Variants in HIP1 observed in about 807,000 individuals in gnomAD.
HIP1 encodes the protein huntingtin-interacting protein 1.
HIP1 carries 65 observed loss-of-function variants against 147.6 expected under a neutral mutation model. That is an observed-to-expected ratio of 0.44 (90% CI 0.36 to 0.54). The LOEUF (loss-of-function observed/expected upper bound fraction) is 0.54, where lower values mean the gene tolerates loss of function less well. HIP1 is among the 20% of genes least tolerant of loss of function. The pLI, the probability that HIP1 is intolerant of heterozygous loss-of-function variation, is 0.00. For synonymous variants in HIP1, 479 were observed against 504.0 expected, an observed-to-expected ratio of 0.95 and a Z score of 0.67; for missense variants, 1,061 against 1,299.6, an observed-to-expected ratio of 0.82 and a Z score of 2.82.
At chr7:75,602,245 CCCGCCTCGGCCT>C (rs1797018055) in intron 1 of HIP1, among the ~76,000 whole-genome samples, 1 of 151,126 alleles carries the variant, frequency 6.6e-6, no homozygotes, top group African/African-American at 2.4e-5. Context: ...AAGTGATCCA[CCCGCCTCGGCCT>C]CACAAAGTGC....
At chr7:75,616,462 C>T (rs191746240) in intron 1 of HIP1, among the ~76,000 whole-genome samples, 5 of 151,914 alleles carry the variant, frequency 3.3e-5, no homozygotes, top group East Asian at 1.9e-4. Flanking sequence ...TTGTAGAGAC[C>T]GGGTCTCACT....
chr7:75,712,436 G>A (rs1554520200), intron 1 of HIP1, among the ~76,000 whole-genome samples: 1 of 152,102 alleles, frequency 6.6e-6, no homozygotes, highest in East Asian at 1.9e-4. Context: ...CTGGATAGGT[G>A]GCTCACACTC....
intron 29 of HIP1, among the ~76,000 whole-genome samples, 153 bp downstream of exon 29, chr7:75,541,766 C>G (rs1488952750): frequency 1.3e-5 from 2 of 151,948 alleles, no homozygotes; most frequent in Non-Finnish European, 2.9e-5. Flanking sequence ...ACCTTCTCTA[C>G]CTCCACTGTT....
In HIP1 at chr7:75,689,227, C is replaced by T. The variant is rs1470410022; in HGVS notation, c.120+49574G>A. Among the ~76,000 whole-genome samples, 9 of 151,548 alleles carry T rather than the reference C, an allele frequency of 5.9e-5. No homozygotes were observed. In the East Asian group the frequency reaches 7.8e-4, roughly 13 times the overall value. ...ATTTAAAATATATTTAAAAATAGGC[C>T]GGGCACGGTGGCTCACACATGTAAT... On this transcript the variant is annotated intron_variant, in intron 1 of 30. Transcript: ENST00000336926.
At chr7:75,634,494 G>A (rs976911475) in intron 1 of HIP1, among the ~76,000 whole-genome samples, 7 of 152,184 alleles carry the variant, frequency 4.6e-5, no homozygotes, top group Non-Finnish European at 1.0e-4. Flanking sequence ...GACTGTCAGA[G>A]AACTGGATAC....
chr7:75,735,833 G>A (rs1554523576), intron 1 of HIP1, among the ~76,000 whole-genome samples: 1 of 151,908 alleles, frequency 6.6e-6, no homozygotes, highest in Non-Finnish European at 1.5e-5. Context: ...TGGGACAACA[G>A]GCACGTGATA....
At position 75,599,245 on chromosome 7, in the gene HIP1, A is replaced by C; in HGVS notation, c.123T>G (p.Thr41=). ...AERESFERTQ[T]VSINKAINTQ... is the part of the protein sequence containing the mutation. Reference sequence around the variant, plus strand: ...TATTAATGGCCTTATTGATGCTGACAGTCTGAAAAACAAGAAGGGGGGAGG... The same window carrying C: ...TATTAATGGCCTTATTGATGCTGACCGTCTGAAAAACAAGAAGGGGGGAGG... The change falls in exon 2 of 31, where the codon ACT becomes ACG. Residue 41 remains threonine (T), a splice_region_variant and synonymous_variant. Coordinates refer to ENST00000336926, the MANE Select transcript of HIP1 (RefSeq NM_005338.7). 1 of 1,610,942 alleles carries C rather than the reference A, an allele frequency of 6.2e-7. No individual in the cohort carries two copies. Among genetic ancestry groups the C allele is most frequent in the Non-Finnish European group, 8.5e-7 (1 of 1,177,110 alleles).
chr7:75,675,412 G>A (rs1338398498), intron 1 of HIP1, among the ~76,000 whole-genome samples: 20 of 152,088 alleles, frequency 1.3e-4, no homozygotes, highest in Non-Finnish European at 5.9e-5. Context: ...TGTTGGCCAG[G>A]CTGGTCTCAA....
chr7:75,638,820 C>A (rs1584909213), intron 1 of HIP1, among the ~76,000 whole-genome samples: 1 of 152,294 alleles, frequency 6.6e-6, no homozygotes, highest in South Asian at 2.1e-4. Context: ...ATCTCCCGGG[C>A]AGCCCGGCGG....
Position 75,534,770 on chromosome 7 carries a change from G to C in HIP1, c.*3402C>G, listed in dbSNP as rs988117656. On this transcript the variant is annotated 3_prime_UTR_variant, in exon 31 of 31. Coordinates refer to ENST00000336926, the MANE Select transcript of HIP1 (RefSeq NM_005338.7). The stretch of plus-strand genomic sequence containing the variant: ...TGTAAACAAACATCTTTTCTCTAGA[G>C]GTCTCAGGGCACTGTCTTACAAACT... 2 of 190,668 alleles carry C rather than the reference G, an allele frequency of 1.0e-5. No homozygotes were observed. The highest frequency in any genetic ancestry group is 4.7e-5 in the African/African-American group (2 of 42,902). The allele number at this position is 190,668 out of a possible 1,614,324, so 11.8% of individuals were successfully genotyped here.
intron 7 of HIP1, among the ~76,000 whole-genome samples, chr7:75,576,125 A>G (rs868995779): frequency 6.6e-6 from 1 of 152,296 alleles, no homozygotes; most frequent in South Asian, 2.1e-4. Context: ...AGAAACATCT[A>G]GAGCAGTGTC....
At chr7:75,544,861 TC>T (rs1794484912) in intron 26 of HIP1, 61 bp from the exon 27 acceptor site, 1 of 1,080,396 alleles carries the variant, frequency 9.3e-7, no homozygotes, top group Non-Finnish European at 1.4e-6. Context: ...TCCTCCACAA[TC>T]CCACCTCCAG....
At chr7:75,669,297 C>T (rs370885059) in intron 1 of HIP1, among the ~76,000 whole-genome samples, 2 of 152,104 alleles carry the variant, frequency 1.3e-5, no homozygotes, top group South Asian at 2.1e-4. Flanking sequence ...GGTGTGAACC[C>T]GGGAGGTGGA....
chr7:75,702,146 T>TGTA (rs1300077373), intron 1 of HIP1, among the ~76,000 whole-genome samples: 4 of 151,658 alleles, frequency 2.6e-5, no homozygotes, highest in Admixed American at 1.3e-4. Flanking sequence ...AGTCTCACTC[T>TGTA]ATTGCCCAGG....
intron 1 of HIP1, among the ~76,000 whole-genome samples, chr7:75,665,540 G>A (rs771656224): frequency 7.5e-5 from 11 of 146,064 alleles, no homozygotes; most frequent in Non-Finnish European, 1.7e-4. Flanking sequence ...TCATTTTTCC[G>A]TAGTCATTTT....
chr7:75,570,527 A>C (rs772017778), intron 8 of HIP1, among the ~76,000 whole-genome samples: 3 of 140,782 alleles, frequency 2.1e-5, no homozygotes, highest in Non-Finnish European at 4.7e-5. Flanking sequence ...TCCTGACCTC[A>C]TGATCCGCCC....
chr7:75,724,605 C>T (rs553727305), intron 1 of HIP1, among the ~76,000 whole-genome samples: 49 of 152,264 alleles, frequency 3.2e-4, no homozygotes, highest in African/African-American at 1.1e-3. Flanking sequence ...CTAGCCATCG[C>T]CACTAATTTA....
intron 21 of HIP1, 33 bp from the exon 22 acceptor site, chr7:75,553,622 T>A (rs2116797571): frequency 1.3e-6 from 2 of 1,599,978 alleles, no homozygotes; most frequent in African/African-American, 1.3e-5. Context: ...ACTTTTTTTT[T>A]GAGATGGAGT....
At chr7:75,591,841 C>T (rs1554500811) in intron 4 of HIP1, among the ~76,000 whole-genome samples, 1 of 152,068 alleles carries the variant, frequency 6.6e-6, no homozygotes, top group East Asian at 1.9e-4. Context: ...AGCTCCCAGG[C>T]CCTGGAACTT....
Sources: gnomAD v4.1 joint callset for allele counts (sites outside exome capture counted in the v4.1 genomes callset) on GRCh38, gnomAD v4.1.1 for gene constraint, MANE v1.5 for transcripts, NCBI Gene and HGNC (gene_info 2026-07-23, HGNC 2026-07-21) for gene names.